TFEB: variants seen among roughly 807,000 people sequenced by gnomAD.
TFEB encodes transcription factor EB.
In TFEB, 12 loss-of-function variants were observed where a neutral mutation model predicts 48.0. The ratio of observed to expected loss-of-function variants is 0.25; its 90% confidence interval spans 0.16 to 0.40. The LOEUF (loss-of-function observed/expected upper bound fraction) is 0.40, where lower values mean the gene tolerates loss of function less well. TFEB is among the 10% of genes least tolerant of loss of function. The probability of loss-of-function intolerance (pLI) is 1.00; values close to 1 mark genes in which losing one functional copy is unlikely to be tolerated. For missense variants in TFEB, 509 were observed against 640.3 expected, an observed-to-expected ratio of 0.79 and a Z score of 2.21; for synonymous variants, 244 against 261.4, an observed-to-expected ratio of 0.93 and a Z score of 0.64.
At chr6:41,710,321 A>G (rs146734384) in intron 1 of TFEB, among the ~76,000 whole-genome samples, 151 of 152,268 alleles carry the variant, frequency 9.9e-4, no homozygotes, top group African/African-American at 3.1e-3. Flanking sequence ...ATCTCTCAGC[A>G]AGTCCAACTC....
intron 1 of TFEB, among the ~76,000 whole-genome samples, chr6:41,696,626 A>G (rs1008939406): frequency 2.0e-5 from 3 of 152,114 alleles, no homozygotes. Flanking sequence ...CCCGGGAGGC[A>G]GAGGTTGCAG....
intron 1 of TFEB, among the ~76,000 whole-genome samples, chr6:41,692,794 A>G (rs1333998419): frequency 1.3e-5 from 2 of 152,208 alleles, no homozygotes; most frequent in Non-Finnish European, 2.9e-5. Context: ...GACCCCATGA[A>G]GGTCCTGGTA....
At chr6:41,728,585 T>C (rs1021634604) in intron 1 of TFEB, among the ~76,000 whole-genome samples, 17 of 152,030 alleles carry the variant, frequency 1.1e-4, no homozygotes, top group Non-Finnish European at 1.8e-4. Flanking sequence ...CTCAAAGCAA[T>C]TATAAACAAG....
At chr6:41,728,497 G>A (rs1261985874) in intron 1 of TFEB, among the ~76,000 whole-genome samples, 2 of 152,198 alleles carry the variant, frequency 1.3e-5, no homozygotes, top group Non-Finnish European at 2.9e-5. Context: ...AGGCGGCAGG[G>A]GGTGGACAGT....
intron 1 of TFEB, among the ~76,000 whole-genome samples, chr6:41,726,098 A>ACTC (rs1771196784): frequency 6.6e-6 from 1 of 152,114 alleles, no homozygotes; most frequent in Non-Finnish European, 1.5e-5. Flanking sequence ...AACAGAGCAG[A>ACTC]CTCCATCTCA....
At chr6:41,712,777 T>C (rs994293626) in intron 1 of TFEB, among the ~76,000 whole-genome samples, 1 of 152,046 alleles carries the variant, frequency 6.6e-6, no homozygotes, top group East Asian at 1.9e-4. Context: ...GGAGTGGAGC[T>C]GGGCAGGCAG....
At chr6:41,735,827 A>G (rs1771658352), upstream of TFEB, among the ~76,000 whole-genome samples, 1 of 152,156 alleles carries the variant, frequency 6.6e-6, no homozygotes, top group African/African-American at 2.4e-5. Context: ...TTCTCCTCTC[A>G]GTAAAGTCCC....
chr6:41,687,309 C>A lies in TFEB; in HGVS notation c.728-140G>T, dbSNP rs796763789. 2.4e-5 allele frequency: 18 copies of A among 749,002 alleles called. No individual in the cohort carries two copies. The African/African-American group carries it at 2.8e-4, about 11-fold the overall frequency. The allele number at this position is 749,002 out of a possible 1,614,324, so 46.4% of individuals were successfully genotyped here. On this transcript the variant is annotated intron_variant, in intron 6 of 8. Coordinates refer to ENST00000373033, the MANE Select transcript of TFEB (RefSeq NM_001271944.2). ...AGTTCTTCCAGGAAGTAAGAGGTGA[C>A]CAACAGATTGGGATTTCTACAGGAA...
At chr6:41,728,494 A>C (rs185205563) in intron 1 of TFEB, among the ~76,000 whole-genome samples, 1 of 152,294 alleles carries the variant, frequency 6.6e-6, no homozygotes, top group East Asian at 1.9e-4. Context: ...AAGAGGCGGC[A>C]GGGGGTGGAC....
intron 1 of TFEB, among the ~76,000 whole-genome samples, chr6:41,698,896 T>C (rs1769750076): frequency 6.6e-6 from 1 of 152,182 alleles, no homozygotes; most frequent in Admixed American, 6.5e-5. Context: ...AACAAGGACA[T>C]CACATAATCC....
chr6:41,684,860 T>C lies in TFEB; in HGVS notation c.1170A>G (p.Pro390=). The C allele has an allele frequency of 6.4e-7, 1 of 1,574,152 alleles. No homozygotes were observed. Among genetic ancestry groups the C allele is most frequent in the Non-Finnish European group, 8.6e-7 (1 of 1,157,710 alleles). Residue 390 remains proline (P), a synonymous_variant, in exon 9 of 9, where the codon CCA becomes CCG. Coordinates refer to ENST00000373033, the MANE Select transcript of TFEB (RefSeq NM_001271944.2). ...TGTGGCTGAAGTCCAGGTGATGGAA[T>C]GGGGATGGTGGCTGGGTGGGCAGGG... ...PLPLPTQPPS[P]FHHLDFSHSL...
intron 1 of TFEB, among the ~76,000 whole-genome samples, chr6:41,706,777 C>G (rs11754668): frequency 0.068 from 10,273 of 151,972 alleles, 404 homozygotes; most frequent in South Asian, 0.13. Context: ...CACCCACCCA[C>G]CGGATGGAGT....
At chr6:41,735,247 C>T in intron 1 of TFEB, 103 bp downstream of exon 1, 1 of 953,010 alleles carries the variant, frequency 1.0e-6, no homozygotes, top group Non-Finnish European at 1.2e-6. Flanking sequence ...CCGGCATCCC[C>T]CACCCTCCCA....
rs905867138 is a variant in TFEB at position 41,724,619 on chromosome 6, C to T, written c.-23+10731G>A. On this transcript the variant is annotated intron_variant, in intron 1 of 8. Transcript: ENST00000373033. This position sits in a 1 kb window ranked among gnomAD's most constrained non-coding sequence, Gnocchi z 4.4. ...GCCCCCAGGGAGGACCTCTGGCTCC[C>T]GCCCCTTGCCGCCCGAGACCTGCAA... Among the ~76,000 whole-genome samples, 4 of 152,120 alleles carry T rather than the reference C, an allele frequency of 2.6e-5. No homozygotes were observed. The highest frequency in any genetic ancestry group is 4.4e-5 in the Non-Finnish European group (3 of 68,004).
At chr6:41,705,210 C>T (rs914943848) in intron 1 of TFEB, among the ~76,000 whole-genome samples, 1 of 152,180 alleles carries the variant, frequency 6.6e-6, no homozygotes, top group African/African-American at 2.4e-5. Context: ...AGTGTGGAGG[C>T]TCCCACAGCA....
Position 41,732,923 on chromosome 6 carries a change from G to T in TFEB, c.-23+2427C>A, listed in dbSNP as rs147673411. On this transcript the variant is annotated intron_variant, in intron 1 of 8. Transcript: ENST00000373033. ...CATCCCCAGGACAAAGGCCCAACCT[G>T]GTTTTCATGACAGCTGTGGTTGGGG... The T allele has an allele frequency of 7.2e-4, 707 of 985,490 alleles. 3 individuals are homozygous for T. The Middle Eastern group carries it at 8.9e-3, about 12-fold the overall frequency. 61.0% of individuals were successfully genotyped at this position (985,490 alleles called of 1,614,324 possible). A position where few individuals can be genotyped will look rare whatever the true frequency, so the allele number is the denominator to read the frequency against.
chr6:41,734,264 G>T lies in TFEB; in HGVS notation c.-23+1086C>A. On this transcript the variant is annotated intron_variant, in intron 1 of 8. Coordinates refer to ENST00000373033, the MANE Select transcript of TFEB (RefSeq NM_001271944.2). This position sits in a 1 kb window ranked among gnomAD's most constrained non-coding sequence, Gnocchi z 4.0. ...AGCGGAGGGCGGGGGCCTGGGCCCAGCGGGGTTCGCGCAGACAAGCCCCGC... is the reference window on the plus strand; with the variant it reads ...AGCGGAGGGCGGGGGCCTGGGCCCATCGGGGTTCGCGCAGACAAGCCCCGC... The T allele has an allele frequency of 1.2e-6, 1 of 810,858 alleles. No individual in the cohort carries two copies. The highest frequency in any genetic ancestry group is 1.5e-6 in the Non-Finnish European group (1 of 670,718). 50.2% of individuals were successfully genotyped at this position (810,858 alleles called of 1,614,324 possible). A position where few individuals can be genotyped will look rare whatever the true frequency, so the allele number is the denominator to read the frequency against.
At chr6:41,696,955 G>A (rs1399774147) in intron 1 of TFEB, among the ~76,000 whole-genome samples, 1 of 152,218 alleles carries the variant, frequency 6.6e-6, no homozygotes, top group Non-Finnish European at 1.5e-5. Context: ...GGGGACACAA[G>A]ATGGCTTGGT....
chr6:41,690,781 G>A lies in TFEB; in HGVS notation c.350C>T (p.Pro117Leu), dbSNP rs753367483. 8.7e-6 allele frequency: 14 copies of A among 1,611,774 alleles called. No individual in the cohort carries two copies. The highest frequency in any genetic ancestry group is 1.2e-5 in the Non-Finnish European group (14 of 1,178,682). The change falls in exon 3 of 9, where the codon CCC becomes CTC. Residue 117 changes from proline to leucine, a missense_variant. By Grantham distance (98) the Pro-to-Leu change is moderately conservative. Coordinates refer to ENST00000373033, the MANE Select transcript of TFEB (RefSeq NM_001271944.2). ...HISPAQGSPK[P>L]PPAASPGVRA... ...CACCCCTGGGGAGGCGGCTGGTGGG[G>A]GTTTCGGAGAGCCCTGGGCTGGGCT...
Sources: gnomAD v4.1 joint callset for allele counts (sites outside exome capture counted in the v4.1 genomes callset) on GRCh38, gnomAD v4.1.1 for gene constraint, Gnocchi (gnomAD v3.1) non-coding constraint, MANE v1.5 for transcripts, NCBI Gene and HGNC (gene_info 2026-07-23, HGNC 2026-07-21) for gene names.